The following ZFAND3 variants were observed in gnomAD, a reference collection of about 807,000 sequenced individuals.
ZFAND3 encodes the protein zinc finger AN1-type containing 3, also known as AN1-type zinc finger protein 3.
Under a neutral mutation model 29.6 loss-of-function variants are expected in ZFAND3, and 10 were observed. That is an observed-to-expected ratio of 0.34 (90% CI 0.21 to 0.57). The LOEUF (loss-of-function observed/expected upper bound fraction) is 0.57, where lower values mean the gene tolerates loss of function less well. ZFAND3 is among the 20% of genes least tolerant of loss of function. The probability of loss-of-function intolerance (pLI) is 0.86; values close to 1 mark genes in which losing one functional copy is unlikely to be tolerated. For synonymous variants in ZFAND3, 128 were observed against 112.6 expected, an observed-to-expected ratio of 1.14 and a Z score of -0.87; for missense variants, 230 against 304.5, an observed-to-expected ratio of 0.76 and a Z score of 1.82.
chr6:37,820,120 T>G, intron 1 of ZFAND3, 104 bp downstream of exon 1: 6 of 383,362 alleles, frequency 1.6e-5, no homozygotes, highest in Non-Finnish European at 1.7e-5. Flanking sequence ...CCTTGGAGGC[T>G]GGGCCCAGCC....
chr6:38,079,364 C>G (rs1764614158), intron 3 of ZFAND3, among the ~76,000 whole-genome samples: 1 of 152,124 alleles, frequency 6.6e-6, no homozygotes, highest in Non-Finnish European at 1.5e-5. Flanking sequence ...TTAACAAGCT[C>G]TCTGGAGAAC....
chr6:37,840,565 A>ATCAGCTTG (rs562744575), intron 1 of ZFAND3, among the ~76,000 whole-genome samples: 231 of 152,336 alleles, frequency 1.5e-3, no homozygotes, highest in African/African-American at 5.2e-3. Flanking sequence ...TATGAATTTC[A>ATCAGCTTG]TCAGCTTGTC....
intron 1 of ZFAND3, among the ~76,000 whole-genome samples, chr6:37,855,590 A>G (rs1313552975): frequency 6.6e-6 from 1 of 152,194 alleles, no homozygotes; most frequent in Non-Finnish European, 1.5e-5. Context: ...TTTTGATGTT[A>G]GAGACTTTTT....
intron 5 of ZFAND3, among the ~76,000 whole-genome samples, chr6:38,145,617 C>T (rs1016426815): frequency 1.3e-5 from 2 of 151,940 alleles, no homozygotes; most frequent in African/African-American, 2.4e-5. Context: ...GTTTGGTTCC[C>T]GCCAAATGAG....
At chr6:37,985,498 T>TA (rs1452761258) in intron 2 of ZFAND3, among the ~76,000 whole-genome samples, 85 of 40,766 alleles carry the variant, frequency 2.1e-3, no homozygotes, top group South Asian at 3.8e-3. Context: ...TGCTTGTGGT[T>TA]CCACACACAC....
At chr6:38,136,613 G>C (rs537246941) in intron 5 of ZFAND3, among the ~76,000 whole-genome samples, 3 of 152,314 alleles carry the variant, frequency 2.0e-5, no homozygotes, top group Non-Finnish European at 2.9e-5. Context: ...CCACAGGGTG[G>C]GAGGTGGCAG....
chr6:37,876,417 A>G (rs530003391), intron 1 of ZFAND3, among the ~76,000 whole-genome samples: 1 of 152,354 alleles, frequency 6.6e-6, no homozygotes, highest in South Asian at 2.1e-4. Flanking sequence ...CTCAGTCAGC[A>G]TTACGGCAAA....
At chr6:38,134,656 A>G (rs528873527) in intron 5 of ZFAND3, among the ~76,000 whole-genome samples, 38 of 152,326 alleles carry the variant, frequency 2.5e-4, no homozygotes, top group African/African-American at 7.7e-4. Flanking sequence ...TGAGAAGATC[A>G]GTATCAATGA....
chr6:38,041,706 C>T (rs1482183234), intron 2 of ZFAND3, among the ~76,000 whole-genome samples: 3 of 278 alleles, frequency 0.011, no homozygotes, highest in African/African-American at 0.011. Context: ...TCTCCTCCTC[C>T]TCCTCCTCCT....
chr6:37,904,569 C>T (rs1765375721), intron 1 of ZFAND3, among the ~76,000 whole-genome samples: 1 of 152,124 alleles, frequency 6.6e-6, no homozygotes, highest in South Asian at 2.1e-4. Flanking sequence ...CCTGGCTGTA[C>T]ATTTTCCCCA....
At chr6:37,898,039 C>T (rs1354161414) in intron 1 of ZFAND3, among the ~76,000 whole-genome samples, 1 of 152,134 alleles carries the variant, frequency 6.6e-6, no homozygotes, top group Non-Finnish European at 1.5e-5. Flanking sequence ...CAGAAGTTCT[C>T]AATTTTAATG....
intron 1 of ZFAND3, among the ~76,000 whole-genome samples, chr6:37,891,159 A>G (rs1473103720): frequency 6.6e-6 from 1 of 152,220 alleles, no homozygotes; most frequent in Non-Finnish European, 1.5e-5. Context: ...ATGGAATCAT[A>G]CAATACGTGG....
intron 4 of ZFAND3, chr6:38,088,481 C>T (rs749638625): frequency 6.6e-6 from 1 of 152,148 alleles, no homozygotes; most frequent in Non-Finnish European, 1.5e-5. Context: ...TGTGATAGCA[C>T]AACAGTGTGA....
At chr6:37,917,939 A>C (rs1173086113) in intron 1 of ZFAND3, among the ~76,000 whole-genome samples, 1 of 152,132 alleles carries the variant, frequency 6.6e-6, no homozygotes, top group Non-Finnish European at 1.5e-5. Context: ...TATACATTAA[A>C]ATTTTTCTTA....
chr6:37,863,888 CAATTAAATAGAGCTCA>C (rs1764538832), intron 1 of ZFAND3, among the ~76,000 whole-genome samples: 1 of 152,092 alleles, frequency 6.6e-6, no homozygotes, highest in Admixed American at 6.6e-5. Flanking sequence ...AGTCTAGTGG[CAATTAAATAGAGCTCA>C]AATTAAATAG....
chr6:37,987,208 A>G (rs971197539), intron 2 of ZFAND3, among the ~76,000 whole-genome samples: 1 of 152,190 alleles, frequency 6.6e-6, no homozygotes, highest in Admixed American at 6.5e-5. Context: ...AACTCTCAGC[A>G]TGAGAGAAAT....
intron 5 of ZFAND3, among the ~76,000 whole-genome samples, chr6:38,139,986 G>A (rs1228142277): frequency 1.3e-5 from 2 of 152,176 alleles, no homozygotes; most frequent in African/African-American, 2.4e-5. Flanking sequence ...CACAAGACTC[G>A]GTAATTGAAT....
chr6:38,006,365 C>T (rs77581126), intron 2 of ZFAND3, among the ~76,000 whole-genome samples: 148 of 152,202 alleles, frequency 9.7e-4, no homozygotes, highest in Non-Finnish European at 1.9e-3. Flanking sequence ...CTAAACAATT[C>T]TAATTGTTTC....
chr6:37,846,554 G>A (rs776490794), intron 1 of ZFAND3, among the ~76,000 whole-genome samples: 29 of 152,142 alleles, frequency 1.9e-4, no homozygotes, highest in Middle Eastern at 6.3e-3. Context: ...TGAATTGCAC[G>A]CTTTGACTAC....
Sources: gnomAD v4.1 joint callset for allele counts (sites outside exome capture counted in the v4.1 genomes callset) on GRCh38, gnomAD v4.1.1 for gene constraint, MANE v1.5 for transcripts, NCBI Gene and HGNC (gene_info 2026-07-23, HGNC 2026-07-21) for gene names.